Variants in CNOT4 observed in about 807,000 individuals in gnomAD.
CNOT4 encodes CCR4-NOT transcription complex subunit 4.
A neutral mutation model predicts 73.8 loss-of-function variants in CNOT4; 8 were observed. The observed-to-expected ratio is 0.11, with a 90% confidence interval of 0.06 to 0.20. CNOT4 has a LOEUF of 0.20. CNOT4 is among the 10% of genes least tolerant of loss of function. CNOT4 has a pLI of 1.00. For synonymous variants in CNOT4, 293 were observed against 321.1 expected (o/e 0.91, Z 0.94); for missense variants, 564 against 883.4 (o/e 0.64, Z 4.58).
intron 3 of CNOT4, among the ~76,000 whole-genome samples, chr7:135,419,770 C>T (rs1299342986): frequency 2.6e-5 from 4 of 151,912 alleles, no homozygotes; most frequent in African/African-American, 7.3e-5. Flanking sequence ...ATAAAAAACA[C>T]GATGGCTCAC....
At chr7:135,472,473 A>T (rs1801650233) in intron 1 of CNOT4, among the ~76,000 whole-genome samples, 1 of 57,420 alleles carries the variant, frequency 1.7e-5, no homozygotes, top group Non-Finnish European at 3.1e-5. Flanking sequence ...CGAGACACCG[A>T]CTCAAAAAAA....
At chr7:135,478,173 TTGTTCCA>T (rs1363614238) in intron 1 of CNOT4, among the ~76,000 whole-genome samples, 1 of 152,172 alleles carries the variant, frequency 6.6e-6, no homozygotes, top group Admixed American at 6.5e-5. Flanking sequence ...AAATATTTTA[TTGTTCCA>T]GTTGTTAGGT....
intron 1 of CNOT4, among the ~76,000 whole-genome samples, chr7:135,466,280 G>C (rs1801213580): frequency 6.6e-6 from 1 of 151,442 alleles, no homozygotes; most frequent in African/African-American, 2.4e-5. Flanking sequence ...TCAGGAGTTT[G>C]AGAACAACCT....
intron 7 of CNOT4, among the ~76,000 whole-genome samples, chr7:135,405,286 C>T (rs1353838110): frequency 6.6e-6 from 1 of 152,134 alleles, no homozygotes; most frequent in Non-Finnish European, 1.5e-5. Context: ...AATCTAAAGC[C>T]GAACATCTCC....
At chr7:135,413,860 C>T (rs1585606528) in intron 5 of CNOT4, among the ~76,000 whole-genome samples, 1 of 151,882 alleles carries the variant, frequency 6.6e-6, no homozygotes, top group South Asian at 2.1e-4. Flanking sequence ...CCAAATCTTC[C>T]CTAGATATAA....
rs1172009612 is a variant in CNOT4, at chr7:135,413,496, C to T, written c.679G>A (p.Glu227Lys). 2 of 1,611,562 alleles carry T rather than the reference C, an allele frequency of 1.2e-6. No homozygotes were observed. Among genetic ancestry groups the T allele is most frequent in the Non-Finnish European group, 1.7e-6 (2 of 1,178,312 alleles). ...GDEAASFTKE[E>K]MQAGKHQEYE... is the part of the protein sequence containing the mutation. ...TCACATGACTTTACTACCTGCATTT[C>T]CTCTTTTGTGAAGCTGGCCGCCTCA... The change falls in exon 6 of 12, where the codon GAA (glutamate) becomes AAA (lysine). Residue 227 changes from glutamate (E) to lysine (K), a missense_variant. Glu to Lys is a moderately conservative substitution (Grantham distance 56). Around this residue, in one of 10 missense-constraint regions of CNOT4, gnomAD observed 14 missense variants for 69.5 expected, o/e 0.20. Coordinates refer to ENST00000541284, the MANE Select transcript of CNOT4 (RefSeq NM_001190850.2).
At chr7:135,465,323 A>G (rs1046947061) in intron 1 of CNOT4, among the ~76,000 whole-genome samples, 14 of 152,276 alleles carry the variant, frequency 9.2e-5, no homozygotes, top group African/African-American at 3.1e-4. Context: ...ATACACGCTG[A>G]CTGCTACTCC....
chr7:135,379,989 C>CTTT (rs1795749308), intron 10 of CNOT4, among the ~76,000 whole-genome samples: 1 of 152,134 alleles, frequency 6.6e-6, no homozygotes, highest in African/African-American at 2.4e-5. Context: ...TATTAAGCAA[C>CTTT]AGTGCTAGGC....
chr7:135,457,570 G>A (rs1229101260), intron 1 of CNOT4, among the ~76,000 whole-genome samples: 1 of 152,048 alleles, frequency 6.6e-6, no homozygotes, highest in Non-Finnish European at 1.5e-5. Context: ...TTTGAGATAA[G>A]TTCTATTTTA....
At chr7:135,466,372 G>A (rs1585688015) in intron 1 of CNOT4, among the ~76,000 whole-genome samples, 4 of 151,386 alleles carry the variant, frequency 2.6e-5, no homozygotes, top group Admixed American at 2.6e-4. Context: ...TACTCAGGAG[G>A]CTGAGGTATG....
chr7:135,363,824 C>T lies in CNOT4; in HGVS notation c.1840+30G>A. ...TGCTAAAAACCAAACTGTTGGCAGT[C>T]AGTGTAGCTGAAGGGAGTGAGAAAG... On this transcript the variant is annotated intron_variant, in intron 11 of 11. Coordinates refer to ENST00000541284, the MANE Select transcript of CNOT4 (RefSeq NM_001190850.2). This position sits in a 1 kb window ranked among gnomAD's most constrained non-coding sequence, Gnocchi z 4.3. The T allele has an allele frequency of 6.5e-7, 1 of 1,530,256 alleles. No individual in the cohort carries two copies. Among genetic ancestry groups the T allele is most frequent in the Non-Finnish European group, 8.8e-7 (1 of 1,132,084 alleles). 94.8% of individuals were successfully genotyped at this position (1,530,256 alleles called of 1,614,324 possible). A position where few individuals can be genotyped will look rare whatever the true frequency, so the allele number is the denominator to read the frequency against.
At chr7:135,385,502 G>A (rs1256564340) in intron 10 of CNOT4, among the ~76,000 whole-genome samples, 1 of 152,156 alleles carries the variant, frequency 6.6e-6, no homozygotes, top group African/African-American at 2.4e-5. Context: ...ATGTGCAGAG[G>A]TAAAATGCAT....
chr7:135,444,850 C>T, intron 1 of CNOT4: 1 of 1,604,084 alleles, frequency 6.2e-7, no homozygotes, highest in South Asian at 1.1e-5. Context: ...GCACTTTCAG[C>T]TTTAACCTTT....
At chr7:135,367,390 A>C (rs1794971815) in intron 10 of CNOT4, among the ~76,000 whole-genome samples, 1 of 152,184 alleles carries the variant, frequency 6.6e-6, no homozygotes, top group Non-Finnish European at 1.5e-5. Context: ...CTCATAGAGA[A>C]AACATTGTAG....
intron 2 of CNOT4, among the ~76,000 whole-genome samples, chr7:135,429,794 TGA>T (rs1798708801): frequency 6.6e-6 from 1 of 152,144 alleles, no homozygotes; most frequent in Non-Finnish European, 1.5e-5. Context: ...CTGTGATCTC[TGA>T]GAAAAAAGAA....
chr7:135,468,684 CAAAAAAA>C (rs34174386), intron 1 of CNOT4, among the ~76,000 whole-genome samples: 1 of 124,714 alleles, frequency 8.0e-6, no homozygotes, highest in Non-Finnish European at 1.7e-5. Flanking sequence ...GACTCTGTCT[CAAAAAAA>C]AAAAAAAAAA....
chr7:135,423,270 GAA>G (rs1418880585), intron 2 of CNOT4, among the ~76,000 whole-genome samples: 1 of 151,014 alleles, frequency 6.6e-6, no homozygotes, highest in Non-Finnish European at 1.5e-5. Flanking sequence ...AACTGGATAG[GAA>G]GAGATTCCAG....
At chr7:135,389,020 GGT>G in intron 10 of CNOT4, 1 of 846,186 alleles carries the variant, frequency 1.2e-6, no homozygotes, top group Non-Finnish European at 1.8e-6. Flanking sequence ...TTGGAATCCA[GGT>G]GTGAAACAAG....
intron 1 of CNOT4, chr7:135,444,628 C>G: frequency 8.1e-7 from 1 of 1,231,500 alleles, no homozygotes; most frequent in African/African-American, 1.5e-5. Context: ...CATTCTGGTT[C>G]CAAGGCTGCA....
Sources: gnomAD v4.1 joint callset for allele counts (sites outside exome capture counted in the v4.1 genomes callset) on GRCh38, gnomAD v4.1.1 for gene constraint, gnomAD v4.1.1 regional missense constraint, Gnocchi (gnomAD v3.1) non-coding constraint, MANE v1.5 for transcripts, NCBI Gene and HGNC (gene_info 2026-07-23, HGNC 2026-07-21) for gene names.